Variants in DNM2 observed in about 807,000 individuals in gnomAD.
DNM2 encodes dynamin 2, also known as dynamin-2.
DNM2 carries 15 observed loss-of-function variants against 99.0 expected under a neutral mutation model. That is an observed-to-expected ratio of 0.15 (90% CI 0.10 to 0.23). The LOEUF is 0.23. Ranked by LOEUF, DNM2 falls within the 10% of genes least tolerant of loss-of-function variation. The pLI is 1.00. For synonymous variants in DNM2, 525 were observed against 481.2 expected, an observed-to-expected ratio of 1.09 and a Z score of -1.19; for missense variants, 742 against 1,189.4, an observed-to-expected ratio of 0.62 and a Z score of 5.53.
intron 1 of DNM2, among the ~76,000 whole-genome samples, chr19:10,729,427 G>A (rs1179317422): frequency 2.0e-5 from 3 of 152,140 alleles, no homozygotes; most frequent in Non-Finnish European, 2.9e-5. Context: ...TTGGGTGGGG[G>A]AATGGCTGCA....
intron 13 of DNM2, among the ~76,000 whole-genome samples, chr19:10,808,257 C>T (rs1366904970): frequency 6.6e-6 from 1 of 152,172 alleles, no homozygotes; most frequent in African/African-American, 2.4e-5. Context: ...CACCATGTAC[C>T]TTGCACGATC....
At chr19:10,787,752 C>A (rs1261336780) in intron 7 of DNM2, among the ~76,000 whole-genome samples, 540 of 108,090 alleles carry the variant, frequency 5.0e-3, no homozygotes, top group African/African-American at 5.6e-3. Context: ...AAGACTGTCT[C>A]AAAAAAAAAA....
At chr19:10,750,720 C>A (rs990695436) in intron 1 of DNM2, among the ~76,000 whole-genome samples, 1 of 151,992 alleles carries the variant, frequency 6.6e-6, no homozygotes, top group Non-Finnish European at 1.5e-5. Flanking sequence ...CACCTGAGGC[C>A]AGGAGTTCGA....
chr19:10,731,410 A>G (rs1341064162), intron 1 of DNM2, among the ~76,000 whole-genome samples: 1 of 149,666 alleles, frequency 6.7e-6, no homozygotes. Flanking sequence ...CTGGAGTGCA[A>G]TGCATGATCT....
intron 6 of DNM2, among the ~76,000 whole-genome samples, chr19:10,784,819 A>ATTTTTTTTTTTTT (rs35575438): frequency 3.0e-5 from 3 of 99,464 alleles, no homozygotes; most frequent in African/African-American, 4.1e-5. Context: ...TTTTTTGATG[A>ATTTTTTTTTTTTT]TTTTTTTTTT....
Position 10,759,795 on chromosome 19 carries a change from C to T in DNM2, c.219C>T (p.Leu73=). ...IVTRRPLILQ[L]IFSKTEHAEF... is the part of the protein sequence containing the mutation. Reference sequence around the variant, plus strand: ...CCCGGCGGCCTCTCATTCTGCAGCTCATCTTCTCAAAAACAGGTAAAATGG... The same window carrying T: ...CCCGGCGGCCTCTCATTCTGCAGCTTATCTTCTCAAAAACAGGTAAAATGG... Residue 73 remains leucine (L), a synonymous_variant, in exon 2 of 21, where the codon CTC becomes CTT. Transcript: ENST00000389253. 1 of 1,614,148 alleles carries T rather than the reference C, an allele frequency of 6.2e-7. No individual in the cohort carries two copies. The highest frequency in any genetic ancestry group is 8.5e-7 in the Non-Finnish European group (1 of 1,180,044).
intron 6 of DNM2, among the ~76,000 whole-genome samples, chr19:10,784,782 G>T: frequency 6.6e-6 from 1 of 150,736 alleles, no homozygotes; most frequent in East Asian, 1.9e-4. Context: ...TTTCTAGCTC[G>T]CCAGACACTT....
intron 11 of DNM2, 145 bp from the exon 12 acceptor site, chr19:10,802,143 G>A (rs893884266): frequency 1.3e-6 from 1 of 763,126 alleles, no homozygotes; most frequent in Non-Finnish European, 2.3e-6. Context: ...GGTGTGGGGA[G>A]TGCGACGCCA....
At chr19:10,758,366 C>G (rs2070482170) in intron 1 of DNM2, among the ~76,000 whole-genome samples, 5 of 141,708 alleles carry the variant, frequency 3.5e-5, no homozygotes, top group African/African-American at 1.4e-4. Flanking sequence ...TCCTTCCTTC[C>G]CTCCCTCCTT....
At chr19:10,778,865 G>T (rs1196275902) in intron 5 of DNM2, among the ~76,000 whole-genome samples, 1 of 151,912 alleles carries the variant, frequency 6.6e-6, no homozygotes, top group Non-Finnish European at 1.5e-5. Flanking sequence ...TCAAGTTCAG[G>T]TACAGATCTT....
intron 14 of DNM2, 43 bp downstream of exon 14, chr19:10,808,623 GT>G (rs1347220448): frequency 6.2e-7 from 1 of 1,605,566 alleles, no homozygotes; most frequent in Non-Finnish European, 8.5e-7. Context: ...AGAGAATCTA[GT>G]GGTGATGGAG....
rs140944896 is a variant in DNM2 at position 10,732,707 on chromosome 19, T to TTATA, written c.161+14318_161+14321dup. Among the ~76,000 whole-genome samples, 175 of 139,112 alleles carry TTATA rather than the reference T, an allele frequency of 1.3e-3. 1 individual carries two copies. The highest frequency in any genetic ancestry group is 4.4e-3 in the African/African-American group (167 of 38,368). 91.3% of individuals were successfully genotyped at this position (139,112 alleles called of 152,430 possible). ...CAGTCTGTGGCTCTTGCCAGATTTT[T>TTATA]TATATATATATATATATTTCTAGGT... On this transcript the variant is annotated intron_variant, in intron 1 of 20. Transcript: ENST00000389253.
At chr19:10,734,332 G>T (rs2069441561) in intron 1 of DNM2, among the ~76,000 whole-genome samples, 1 of 138,230 alleles carries the variant, frequency 7.2e-6, no homozygotes. Context: ...AACAGAGGGG[G>T]ACTCTGTCTC....
chr19:10,800,466 C>A (rs1289101275), intron 11 of DNM2, among the ~76,000 whole-genome samples: 1 of 152,174 alleles, frequency 6.6e-6, no homozygotes, highest in Non-Finnish European at 1.5e-5. Context: ...TGCTGCCGGC[C>A]CTTCCACAGC....
intron 1 of DNM2, among the ~76,000 whole-genome samples, chr19:10,754,108 T>C (rs1459983877): frequency 6.6e-6 from 1 of 152,202 alleles, no homozygotes; most frequent in Non-Finnish European, 1.5e-5. Flanking sequence ...TTTCGTCTTA[T>C]TGAGAAACTA....
intron 13 of DNM2, 78 bp from the exon 14 acceptor site, chr19:10,808,491 C>A (rs1417575519): frequency 1.3e-6 from 2 of 1,536,758 alleles, no homozygotes; most frequent in Non-Finnish European, 1.8e-6. Flanking sequence ...TCTTTGTCCC[C>A]TTCACGTCCC....
intron 6 of DNM2, among the ~76,000 whole-genome samples, chr19:10,784,637 C>G (rs1469123128): frequency 1.3e-5 from 2 of 152,088 alleles, no homozygotes; most frequent in Non-Finnish European, 2.9e-5. Flanking sequence ...GCCAGCGTAG[C>G]TCCCTGCCTT....
intron 1 of DNM2, among the ~76,000 whole-genome samples, chr19:10,728,031 A>G (rs2145692983): frequency 6.6e-6 from 1 of 152,318 alleles, no homozygotes; most frequent in Middle Eastern, 3.4e-3. Flanking sequence ...AAGAGAGGAA[A>G]GACGCCTGCT....
chr19:10,788,251 A>AG (rs1339219252), intron 7 of DNM2, among the ~76,000 whole-genome samples: 1 of 150,244 alleles, frequency 6.7e-6, no homozygotes, highest in African/African-American at 2.4e-5. Flanking sequence ...AAAAAAAAAA[A>AG]GAAGTTGAGT....
Sources: allele counts gnomAD v4.1 joint callset (sites outside exome capture counted in the v4.1 genomes callset), GRCh38; gene constraint gnomAD v4.1.1; transcripts MANE v1.5; gene names NCBI Gene and HGNC (gene_info 2026-07-23, HGNC 2026-07-21).